The following STXBP5L variants were observed in gnomAD, a reference collection of about 807,000 sequenced individuals.
STXBP5L encodes the protein syntaxin binding protein 5L, also known as syntaxin-binding protein 5-like.
In STXBP5L, 65 loss-of-function variants were observed where a neutral mutation model predicts 144.5. That is an observed-to-expected ratio of 0.45 (90% CI 0.37 to 0.55). The LOEUF is 0.55. Among genes scored for constraint, STXBP5L ranks in the 20% least tolerant of loss-of-function variants. STXBP5L has a pLI of 0.00. For missense variants in STXBP5L, 1,298 were observed against 1,405.5 expected (o/e 0.92, Z 1.22); for synonymous variants, 505 against 469.6 (o/e 1.08, Z -0.97).
At chr3:121,024,998 G>A (rs961615842) in intron 3 of STXBP5L, among the ~76,000 whole-genome samples, 9 of 152,008 alleles carry the variant, frequency 5.9e-5, no homozygotes, top group Non-Finnish European at 1.0e-4. Context: ...TTTAAATTGA[G>A]GTCTCCAAAA....
chr3:121,336,989 C>T (rs748968558), intron 20 of STXBP5L, among the ~76,000 whole-genome samples: 7 of 152,096 alleles, frequency 4.6e-5, no homozygotes, highest in Non-Finnish European at 8.8e-5. Context: ...CCTTAGCAAA[C>T]GAATGCAGGA....
At chr3:120,995,649 TAGTG>T (rs999656251) in intron 3 of STXBP5L, among the ~76,000 whole-genome samples, 11 of 152,134 alleles carry the variant, frequency 7.2e-5, no homozygotes, top group Non-Finnish European at 1.0e-4. Flanking sequence ...TTTTTACTCT[TAGTG>T]AGGCATGGAA....
chr3:120,983,252 G>T (rs899042470), intron 3 of STXBP5L, among the ~76,000 whole-genome samples: 4 of 151,848 alleles, frequency 2.6e-5, no homozygotes, highest in Non-Finnish European at 5.9e-5. Context: ...CAGTGGAGAT[G>T]CTCAGATGGG....
chr3:121,224,147 C>T (rs1433896065), intron 11 of STXBP5L, among the ~76,000 whole-genome samples: 2 of 151,996 alleles, frequency 1.3e-5, no homozygotes, highest in Admixed American at 6.6e-5. Flanking sequence ...GCTAGGTGAC[C>T]TTGGGCAAGT....
At chr3:121,100,193 G>T (rs1043234233) in intron 5 of STXBP5L, among the ~76,000 whole-genome samples, 1 of 152,108 alleles carries the variant, frequency 6.6e-6, no homozygotes, top group Non-Finnish European at 1.5e-5. Flanking sequence ...AGATGCTTGA[G>T]GCAGAAAACT....
intron 5 of STXBP5L, among the ~76,000 whole-genome samples, chr3:121,105,395 A>AAAATAAATAAATAAATAAATAAAT (rs573583424): frequency 0.042 from 6,339 of 149,668 alleles, 295 homozygotes; most frequent in African/African-American, 0.1. Flanking sequence ...ACTCTGTCTC[A>AAAATAAATAAATAAATAAATAAAT]AAATAAATAA....
intron 8 of STXBP5L, among the ~76,000 whole-genome samples, chr3:121,155,605 T>C (rs1040652747): frequency 8.6e-5 from 13 of 151,856 alleles, no homozygotes; most frequent in Non-Finnish European, 1.3e-4. Context: ...ATATTTGTTT[T>C]TTTCAGTAAG....
intron 19 of STXBP5L, among the ~76,000 whole-genome samples, chr3:121,304,029 A>G (rs1177495091): frequency 6.6e-6 from 1 of 151,244 alleles, no homozygotes; most frequent in Non-Finnish European, 1.5e-5. Context: ...AAAGTATATA[A>G]AAAAAAAATA....
chr3:120,954,871 A>C (rs1378337388), intron 2 of STXBP5L, 69 bp from the exon 3 acceptor site: 1 of 1,283,918 alleles, frequency 7.8e-7, no homozygotes, highest in East Asian at 2.5e-5. Context: ...TGGTGGCTAT[A>C]TAATGGTATC....
chr3:120,964,401 G>T (rs536546654), intron 3 of STXBP5L, among the ~76,000 whole-genome samples: 1 of 152,252 alleles, frequency 6.6e-6, no homozygotes, highest in Admixed American at 6.5e-5. Flanking sequence ...TCCTTCTCTT[G>T]TGGGCTTTTA....
At chr3:121,351,349 T>A (rs1307671221) in intron 20 of STXBP5L, among the ~76,000 whole-genome samples, 1 of 152,090 alleles carries the variant, frequency 6.6e-6, no homozygotes, top group Non-Finnish European at 1.5e-5. Context: ...CCCGGCCGTG[T>A]CAGGTGTCAG....
intron 17 of STXBP5L, 115 bp from the exon 18 acceptor site, chr3:121,258,928 G>A (rs2050295357): frequency 2.0e-6 from 2 of 1,007,836 alleles, no homozygotes; most frequent in Non-Finnish European, 1.3e-6. Context: ...TCTGCATGCT[G>A]CCTGCAATGC....
chr3:121,292,580 A>C (rs2051483443), intron 19 of STXBP5L, among the ~76,000 whole-genome samples: 1 of 152,222 alleles, frequency 6.6e-6, no homozygotes, highest in Non-Finnish European at 1.5e-5. Context: ...TGAAAAAGAC[A>C]CTTGCACATG....
At chr3:121,051,764 C>A (rs920610406) in intron 5 of STXBP5L, among the ~76,000 whole-genome samples, 15 of 151,752 alleles carry the variant, frequency 9.9e-5, no homozygotes, top group African/African-American at 2.7e-4. Context: ...AATAGAGACA[C>A]AAAAAAACCC....
At chr3:121,167,383 A>C (rs1190878265) in intron 9 of STXBP5L, among the ~76,000 whole-genome samples, 2 of 152,214 alleles carry the variant, frequency 1.3e-5, no homozygotes, top group African/African-American at 2.4e-5. Context: ...GTAAATAGAA[A>C]ATAAAGATAT....
In STXBP5L at chr3:121,394,404, CTT is replaced by C. The variant is rs35932511; in HGVS notation, c.2588-12829_2588-12828del. 1.4e-3 allele frequency among the ~76,000 whole-genome samples: 209 copies of C among 148,334 alleles called. 7 individuals carry two copies. In the South Asian group the frequency reaches 0.035, roughly 25 times the overall value. ...ACTTCCTTTCTTCCAATTTGAATGC[CTT>C]TTTTTTTTTCTCTTGCCTGATTGCT... On this transcript the variant is annotated intron_variant, in intron 22 of 26. Coordinates refer to ENST00000471454, the MANE Select transcript of STXBP5L (RefSeq NM_001308330.2).
At chr3:121,135,571 G>T (rs2045212648) in intron 7 of STXBP5L, among the ~76,000 whole-genome samples, 1 of 152,202 alleles carries the variant, frequency 6.6e-6, no homozygotes, top group Admixed American at 6.5e-5. Flanking sequence ...ATGCAACCTA[G>T]ATCCCTTGCA....
intron 22 of STXBP5L, among the ~76,000 whole-genome samples, chr3:121,389,635 G>A (rs541715753): frequency 3.9e-5 from 6 of 152,068 alleles, no homozygotes; most frequent in African/African-American, 7.2e-5. Context: ...CCTTCATTTT[G>A]TTATTTACCC....
At chr3:121,051,416 G>C (rs1029012676) in intron 5 of STXBP5L, among the ~76,000 whole-genome samples, 57 of 151,984 alleles carry the variant, frequency 3.8e-4, no homozygotes, top group African/African-American at 4.3e-4. Flanking sequence ...CAAACTAGAA[G>C]TCAGGATTAA....
Sources: allele counts gnomAD v4.1 joint callset (sites outside exome capture counted in the v4.1 genomes callset), GRCh38; gene constraint gnomAD v4.1.1; transcripts MANE v1.5; gene names NCBI Gene and HGNC (gene_info 2026-07-23, HGNC 2026-07-21).